Variants in RBPJ observed in about 807,000 individuals in gnomAD.
RBPJ encodes recombining binding protein suppressor of hairless.
In RBPJ, 9 loss-of-function variants were observed where a neutral mutation model predicts 67.8. The ratio of observed to expected loss-of-function variants is 0.13; its 90% confidence interval spans 0.08 to 0.23. The LOEUF (loss-of-function observed/expected upper bound fraction) is 0.23, where lower values mean the gene tolerates loss of function less well. Ranked by LOEUF, RBPJ falls within the 10% of genes least tolerant of loss-of-function variation. The pLI is 1.00. For missense variants in RBPJ, 305 were observed against 595.6 expected, an observed-to-expected ratio of 0.51 and a Z score of 5.08; for synonymous variants, 198 against 203.3, an observed-to-expected ratio of 0.97 and a Z score of 0.22.
intron 1 of RBPJ, among the ~76,000 whole-genome samples, chr4:26,378,208 ATAGAGTATGAGAGAAG>A (rs1270711167): frequency 6.6e-6 from 1 of 152,144 alleles, no homozygotes; most frequent in Non-Finnish European, 1.5e-5. Context: ...TTTGGCAGTA[ATAGAGTATGAGAGAAG>A]TGATGGTGTA....
chr4:26,434,193 G>C lies in RBPJ; in HGVS notation c.*3186G>C, dbSNP rs1332668027. 2 of 152,184 alleles carry C rather than the reference G, an allele frequency of 1.3e-5. No individual in the cohort carries two copies. The highest frequency in any genetic ancestry group is 3.8e-4 in the East Asian group (2 of 5,198). 9.4% of individuals were successfully genotyped at this position (152,184 alleles called of 1,614,324 possible). The stretch of plus-strand genomic sequence containing the variant: ...GGCAATTAAAGGCATGTTTATACAT[G>C]ACTTAATCGTGAAATGTTTGTCACT... On this transcript the variant is annotated 3_prime_UTR_variant, in exon 11 of 11. Transcript: ENST00000355476.
chr4:26,349,129 G>A (rs893952583), intron 1 of RBPJ, among the ~76,000 whole-genome samples: 7 of 152,040 alleles, frequency 4.6e-5, no homozygotes, highest in African/African-American at 7.2e-5. Context: ...GTGCAGTGGC[G>A]TTCTCACAGC....
At chr4:26,412,529 G>A (rs777238849) in intron 3 of RBPJ, among the ~76,000 whole-genome samples, 121 of 152,296 alleles carry the variant, frequency 7.9e-4, no homozygotes, top group Non-Finnish European at 9.6e-4. Flanking sequence ...ACTGCACCCA[G>A]CCTGGAGCAT....
chr4:26,319,493 G>T (rs1263717928), upstream of RBPJ, among the ~76,000 whole-genome samples: 1 of 113,338 alleles, frequency 8.8e-6, no homozygotes, highest in Admixed American at 9.5e-5. Context: ...CCCGCCGCCC[G>T]CCGCCCGCCT....
chr4:26,301,518 G>A (rs1432272063), intron 1 of RBPJ, among the ~76,000 whole-genome samples: 2 of 151,750 alleles, frequency 1.3e-5, no homozygotes, highest in Non-Finnish European at 2.9e-5. Flanking sequence ...CGTGAACCTG[G>A]GAGGCGGAGC....
At chr4:26,290,354 C>T (rs922567870) in intron 1 of RBPJ, among the ~76,000 whole-genome samples, 8 of 149,380 alleles carry the variant, frequency 5.4e-5, no homozygotes, top group East Asian at 2.0e-4. Context: ...AAAGTTAGAC[C>T]GCATGAGCTG....
At chr4:26,154,893 T>C in the RBPJ span, among the ~76,000 whole-genome samples, 1 of 152,182 alleles carries the variant, frequency 6.6e-6, no homozygotes, top group African/African-American at 2.4e-5. Context: ...TGTGAAGCCA[T>C]TAATGAGGGA....
chr4:26,389,165 G>A (rs534883164), intron 2 of RBPJ, among the ~76,000 whole-genome samples: 39 of 151,926 alleles, frequency 2.6e-4, no homozygotes, highest in African/African-American at 8.7e-4. Context: ...GGAGACGGAG[G>A]TTGCAGTGAG....
chr4:26,136,123 A>G, the RBPJ span, among the ~76,000 whole-genome samples: 414 of 152,294 alleles, frequency 2.7e-3, 4 homozygotes, highest in Non-Finnish European at 4.3e-3. Context: ...TACCACAAGG[A>G]CAGTATGGGG....
chr4:26,295,851 T>G (rs2109293918), intron 1 of RBPJ, among the ~76,000 whole-genome samples: 1 of 152,308 alleles, frequency 6.6e-6, no homozygotes, highest in African/African-American at 2.4e-5. Context: ...CTGAATCCAC[T>G]CTCAGATTTT....
intron 1 of RBPJ, among the ~76,000 whole-genome samples, chr4:26,375,127 A>G (rs1225234737): frequency 6.6e-6 from 1 of 151,654 alleles, no homozygotes; most frequent in Non-Finnish European, 1.5e-5. Context: ...ATATGGTGAA[A>G]CCCTGTTTCT....
intron 1 of RBPJ, among the ~76,000 whole-genome samples, chr4:26,282,924 C>CTTTTTT (rs67501530): frequency 4.4e-4 from 27 of 61,652 alleles, no homozygotes; most frequent in South Asian, 7.1e-4. Flanking sequence ...AGTGTAGATT[C>CTTTTTT]TTTTTTTTTT....
At chr4:26,143,448 C>T in the RBPJ span, among the ~76,000 whole-genome samples, 2 of 152,338 alleles carry the variant, frequency 1.3e-5, no homozygotes, top group East Asian at 3.9e-4. Context: ...TGTAGTGGAG[C>T]CATCTTGGAA....
intron 1 of RBPJ, among the ~76,000 whole-genome samples, chr4:26,247,665 C>T (rs1239068145): frequency 6.6e-6 from 1 of 152,218 alleles, no homozygotes; most frequent in African/African-American, 2.4e-5. Flanking sequence ...CCGCCTCAGC[C>T]TCCCAAAGTG....
chr4:26,180,890 G>T lies in RBPJ; in HGVS notation c.-167+17276G>T, dbSNP rs953081844. Among the ~76,000 whole-genome samples the T allele has an allele frequency of 2.6e-5, 4 of 152,270 alleles. No homozygotes were observed. In the South Asian group the frequency reaches 8.3e-4, roughly 32 times the overall value. ...GCAATGTAGACTAGGGATTTACATG[G>T]GTCAGGAATGCAAGGTAATTGAATC... On this transcript the variant is annotated intron_variant, in intron 1 of 4. Coordinates refer to the RBPJ transcript ENST00000512351.
At chr4:26,171,276 C>T (rs977441162) in intron 1 of RBPJ, among the ~76,000 whole-genome samples, 4 of 152,088 alleles carry the variant, frequency 2.6e-5, no homozygotes, top group African/African-American at 4.8e-5. Flanking sequence ...GAAAACTAAT[C>T]GCCTAGGTTA....
intron 1 of RBPJ, among the ~76,000 whole-genome samples, chr4:26,256,969 C>T (rs553268055): frequency 6.6e-6 from 1 of 152,242 alleles, no homozygotes; most frequent in Admixed American, 6.5e-5. Context: ...CCTGTAATTA[C>T]CTGCAGCTTT....
chr4:26,369,748 A>C (rs1728969449), intron 1 of RBPJ, among the ~76,000 whole-genome samples: 1 of 151,624 alleles, frequency 6.6e-6, no homozygotes, highest in East Asian at 1.9e-4. Context: ...GCTCTCTTTT[A>C]TTTCTCTTCA....
chr4:26,316,534 T>TGTATATATTCATGTATATATTC (rs55634766), upstream of RBPJ, among the ~76,000 whole-genome samples: 47 of 110,564 alleles, frequency 4.3e-4, 1 homozygote, highest in East Asian at 8.5e-3. Context: ...TATATATTCA[T>TGTATATATTCATGTATATATTC]ATATATATTC....
Sources: gnomAD v4.1 joint callset for allele counts (sites outside exome capture counted in the v4.1 genomes callset) on GRCh38, gnomAD v4.1.1 for gene constraint, MANE v1.5 for transcripts, NCBI Gene and HGNC (gene_info 2026-07-23, HGNC 2026-07-21) for gene names.